The following GABPA variants were observed in gnomAD, a reference collection of about 807,000 sequenced individuals.
The protein encoded by GABPA is GA-binding protein alpha chain.
A neutral mutation model predicts 59.4 loss-of-function variants in GABPA; 4 were observed. The ratio of observed to expected loss-of-function variants is 0.07; its 90% CI spans 0.03 to 0.15. The LOEUF (loss-of-function observed/expected upper bound fraction) is 0.15. GABPA is among the 10% of genes least tolerant of loss of function. GABPA has a pLI of 1.00. For synonymous variants in GABPA, 164 were observed against 183.1 expected (o/e 0.90, Z 0.84); for missense variants, 251 against 543.8 (o/e 0.46, Z 5.36).
rs184207125 is a variant in GABPA at position 25,770,119 on chromosome 21, C to T, written c.*887C>T. ...TACCCTGTAGTGCCAGTTTATTATGCAAAGCAGCTTATATTCCTTTGTTTC... is the reference window on the plus strand; with the variant it reads ...TACCCTGTAGTGCCAGTTTATTATGTAAAGCAGCTTATATTCCTTTGTTTC... On this transcript the variant is annotated 3_prime_UTR_variant, in exon 10 of 10. Coordinates refer to ENST00000400075, the MANE Select transcript of GABPA (RefSeq NM_002040.4). The T allele has an allele frequency of 6.6e-6, 1 of 152,644 alleles. No individual in the cohort carries two copies. The highest frequency in any genetic ancestry group is 1.9e-4 in the East Asian group (1 of 5,190). The allele number at this position is 152,644 out of a possible 1,614,324, so 9.5% of individuals were successfully genotyped here. A position where few individuals can be genotyped will look rare whatever the true frequency, so the allele number is the denominator to read the frequency against.
intron 6 of GABPA, among the ~76,000 whole-genome samples, chr21:25,758,527 C>T (rs1051941393): frequency 1.3e-5 from 2 of 152,178 alleles, no homozygotes; most frequent in African/African-American, 4.8e-5. Context: ...AGATGCTGTG[C>T]CCTACACTTA....
At chr21:25,746,851 A>G (rs1212028653) in intron 3 of GABPA, among the ~76,000 whole-genome samples, 4 of 152,220 alleles carry the variant, frequency 2.6e-5, no homozygotes, top group South Asian at 4.1e-4. Flanking sequence ...AGATATATGC[A>G]TGAAGATGTT....
intron 2 of GABPA, among the ~76,000 whole-genome samples, chr21:25,742,502 C>T (rs2035247093): frequency 6.6e-6 from 1 of 152,084 alleles, no homozygotes; most frequent in Non-Finnish European, 1.5e-5. Flanking sequence ...TTTAATAGAG[C>T]TTTTCAACTT....
intron 4 of GABPA, among the ~76,000 whole-genome samples, chr21:25,750,088 G>A (rs1016845563): frequency 1.3e-5 from 2 of 152,214 alleles, no homozygotes; most frequent in Non-Finnish European, 2.9e-5. Context: ...AGTTTCATCT[G>A]GAGGTGATGG....
chr21:25,749,563 G>A (rs556976958), intron 4 of GABPA, among the ~76,000 whole-genome samples: 1 of 152,330 alleles, frequency 6.6e-6, no homozygotes, highest in East Asian at 1.9e-4. Flanking sequence ...TGGCTGCGGG[G>A]GCTCACGCCT....
chr21:25,752,383 A>C (rs1170188473), intron 5 of GABPA, 149 bp downstream of exon 5: 74 of 858,820 alleles, frequency 8.6e-5, no homozygotes, highest in Non-Finnish European at 1.3e-4. Context: ...TGTAACGCAC[A>C]TTTAAGCTCA....
In GABPA at chr21:25,770,963, T is replaced by G. The variant is rs1452950147; in HGVS notation, c.*1731T>G. ...TTTGAAAGAGAATATATGGACAGAT[T>G]ATTAGTACAATTTGGGCACTGTGGT... is the stretch of plus-strand genomic sequence containing the variant. On this transcript the variant is annotated 3_prime_UTR_variant, in exon 10 of 10. Coordinates refer to ENST00000400075, the MANE Select transcript of GABPA (RefSeq NM_002040.4). The G allele has an allele frequency of 6.6e-6, 1 of 152,076 alleles. No individual in the cohort carries two copies. The highest frequency in any genetic ancestry group is 1.5e-5 in the Non-Finnish European group (1 of 67,914). 9.4% of individuals were successfully genotyped at this position (152,076 alleles called of 1,614,324 possible).
intron 3 of GABPA, among the ~76,000 whole-genome samples, chr21:25,746,238 C>T (rs2035361394): frequency 6.6e-6 from 1 of 152,126 alleles, no homozygotes; most frequent in Non-Finnish European, 1.5e-5. Flanking sequence ...TGCTCTTGAA[C>T]TCCTGATCTC....
chr21:25,754,612 T>C (rs183687876), intron 5 of GABPA, among the ~76,000 whole-genome samples: 37 of 150,764 alleles, frequency 2.5e-4, no homozygotes, highest in African/African-American at 9.1e-4. Context: ...GTATATTGAT[T>C]ATATATTTTT....
rs550314810 is a variant in GABPA, at chr21:25,746,963, A to G, written c.222+1609A>G. On this transcript the variant is annotated intron_variant, in intron 3 of 9. Coordinates refer to ENST00000400075, the MANE Select transcript of GABPA (RefSeq NM_002040.4). ...TTAAAAACTGGTGAACTTGAGCTAT[A>G]TGGGCAAGGTACGTTGAGTGAAAAA... is the stretch of plus-strand genomic sequence containing the variant. Among the ~76,000 whole-genome samples, 5 of 152,334 alleles carry G rather than the reference A, an allele frequency of 3.3e-5. No homozygotes were observed. The East Asian group carries it at 9.6e-4, about 29-fold the overall frequency.
intron 3 of GABPA, among the ~76,000 whole-genome samples, chr21:25,747,811 G>C (rs2035405418): frequency 6.6e-6 from 1 of 152,084 alleles, no homozygotes; most frequent in African/African-American, 2.4e-5. Flanking sequence ...CACCAGACAA[G>C]GAGAAAAAAA....
intron 2 of GABPA, among the ~76,000 whole-genome samples, chr21:25,742,788 T>C (rs1479877916): frequency 6.7e-6 from 1 of 150,278 alleles, no homozygotes; most frequent in Non-Finnish European, 1.5e-5. Flanking sequence ...CCTGGCCTGG[T>C]GACATGTGCC....
At chr21:25,743,976 G>A (rs561045460) in intron 2 of GABPA, among the ~76,000 whole-genome samples, 69 of 149,954 alleles carry the variant, frequency 4.6e-4, no homozygotes, top group African/African-American at 1.5e-3. Context: ...CTCGGGAGGC[G>A]GAGGTTGTAG....
In GABPA at chr21:25,770,480, T is replaced by G. The variant is rs964523992; in HGVS notation, c.*1248T>G. On this transcript the variant is annotated 3_prime_UTR_variant, in exon 10 of 10. Transcript: ENST00000400075. ...AACACTAAACAAAAATGGCTAGAAA[T>G]GTCTTTTTCTTTCTTTTCTCTCTTT... 6.6e-6 allele frequency: 1 copy of G among 151,940 alleles called. No homozygotes were observed. The allele number at this position is 151,940 out of a possible 1,614,324, so 9.4% of individuals were successfully genotyped here.
intron 5 of GABPA, among the ~76,000 whole-genome samples, chr21:25,752,938 G>A (rs71649701): frequency 6.6e-6 from 1 of 152,212 alleles, no homozygotes; most frequent in East Asian, 1.9e-4. Flanking sequence ...AGGAAAAAGT[G>A]GATGAAAACA....
chr21:25,749,535 A>C (rs1426001947), intron 4 of GABPA, among the ~76,000 whole-genome samples: 1 of 152,170 alleles, frequency 6.6e-6, no homozygotes, highest in African/African-American at 2.4e-5. Flanking sequence ...CACACTAGTC[A>C]AAAAAATAGA....
intron 1 of GABPA, among the ~76,000 whole-genome samples, chr21:25,736,453 G>A (rs1018698724): frequency 6.6e-6 from 1 of 152,044 alleles, no homozygotes; most frequent in East Asian, 1.9e-4. Flanking sequence ...CTGCTTGAGG[G>A]ACTAGCCTGT....
At position 25,735,019 on chromosome 21, in the gene GABPA, G is replaced by C. The variant is rs749264162; in HGVS notation, c.-586G>C. The C allele has an allele frequency of 2.0e-6, 3 of 1,517,466 alleles. No homozygotes were observed. Among genetic ancestry groups the C allele is most frequent in the African/African-American group, 2.8e-5 (2 of 72,494 alleles). 94.0% of individuals were successfully genotyped at this position (1,517,466 alleles called of 1,614,324 possible). The stretch of plus-strand genomic sequence containing the variant: ...AGGAAGCGTCTCGGAGACAGTCTGC[G>C]ACCGGACGGGTCTAGGTGAGACAGA... On this transcript the variant is annotated 5_prime_UTR_variant, in exon 1 of 10. Transcript: ENST00000400075.
At chr21:25,740,875 A>C (rs1028110152) in intron 1 of GABPA, among the ~76,000 whole-genome samples, 3 of 152,214 alleles carry the variant, frequency 2.0e-5, no homozygotes, top group Non-Finnish European at 2.9e-5. Context: ...TTTGCAGTAA[A>C]TTCTGCTACT....
Sources: gnomAD v4.1 joint callset for allele counts (sites outside exome capture counted in the v4.1 genomes callset) on GRCh38, gnomAD v4.1.1 for gene constraint, MANE v1.5 for transcripts, NCBI Gene and HGNC (gene_info 2026-07-23, HGNC 2026-07-21) for gene names.